The following UMAD1 variants were observed in gnomAD, a reference collection of about 807,000 sequenced individuals.
UMAD1 encodes the protein UBAP1-MVB12-associated (UMA) domain containing 1, also known as UBAP1-MVB12-associated (UMA)-domain containing protein 1.
A neutral mutation model predicts 6.1 loss-of-function variants in UMAD1; 8 were observed. The observed-to-expected ratio is 1.30, with a 90% CI of 0.76 to 2.35. UMAD1 has a LOEUF of 2.35. Among genes scored for constraint, UMAD1 ranks in the 30% most tolerant of loss-of-function variants. UMAD1 has a pLI of 0.00. For missense variants in UMAD1, 130 were observed against 78.4 expected (o/e 1.66, Z -2.49); for synonymous variants, 56 against 31.4 (o/e 1.78, Z -2.61).
chr7:7,665,783 T>G (rs1779434452), intron 1 of UMAD1, among the ~76,000 whole-genome samples: 1 of 152,168 alleles, frequency 6.6e-6, no homozygotes, highest in Admixed American at 6.5e-5. Flanking sequence ...AATGGAATCA[T>G]ATAGTATGAA....
At chr7:7,658,684 T>C (rs1785402845) in intron 1 of UMAD1, among the ~76,000 whole-genome samples, 1 of 152,242 alleles carries the variant, frequency 6.6e-6, no homozygotes. Flanking sequence ...GTGGATAAGC[T>C]ATTTGATGTG....
chr7:7,750,815 A>G (rs1781664377), intron 2 of UMAD1, among the ~76,000 whole-genome samples: 1 of 152,208 alleles, frequency 6.6e-6, no homozygotes, highest in Non-Finnish European at 1.5e-5. Context: ...TCTTAACTGT[A>G]TGTATTTTTC....
In UMAD1 at chr7:7,856,474, C is replaced by T. The variant is rs138014988; in HGVS notation, c.157-20807C>T. On this transcript the variant is annotated intron_variant, in intron 3 of 3. Transcript: ENST00000682710. ...TATCACAAGAACAGCATGGGGAAAA[C>T]CACCCCAATGATTCAATTACCTCCC... 1.6e-3 allele frequency among the ~76,000 whole-genome samples: 251 copies of T among 152,244 alleles called. 6 individuals are homozygous for T. In the East Asian group the frequency reaches 0.033, roughly 20 times the overall value.
chr7:7,685,696 T>G (rs186916094), intron 2 of UMAD1: 2 of 152,322 alleles, frequency 1.3e-5, no homozygotes, highest in East Asian at 1.9e-4. Context: ...CTCTTCGAAG[T>G]TGTACTTTTC....
rs145415540 is a variant in UMAD1 at position 7,815,063 on chromosome 7, T to C, written c.156+13320T>C. Among the ~76,000 whole-genome samples the C allele has an allele frequency of 7.6e-4, 115 of 152,296 alleles. 5 individuals are homozygous for C. The East Asian group carries it at 0.021, about 28-fold the overall frequency. On this transcript the variant is annotated intron_variant, in intron 3 of 3. Transcript: ENST00000682710. ...TTTAGATGGCTTACCAGTTGGATTT[T>C]TGATATCAGTATAGAGGATGTAGGA... is the stretch of plus-strand genomic sequence containing the variant.
intron 2 of UMAD1, among the ~76,000 whole-genome samples, chr7:7,775,515 C>A (rs899306720): frequency 1.1e-4 from 16 of 152,296 alleles, no homozygotes; most frequent in East Asian, 3.9e-4. Flanking sequence ...TTCAAGCCCT[C>A]CCCAGCCATG....
At chr7:7,832,525 C>T (rs945317796) in intron 3 of UMAD1, among the ~76,000 whole-genome samples, 5 of 152,052 alleles carry the variant, frequency 3.3e-5, no homozygotes, top group African/African-American at 1.2e-4. Context: ...AATGAGGAGA[C>T]CCAGAAGATA....
rs1583892262 is a variant in UMAD1 at position 7,879,213 on chromosome 7, A to T, written c.*1675A>T. 6.6e-6 allele frequency: 1 copy of T among 152,200 alleles called. No individual in the cohort carries two copies. The highest frequency in any genetic ancestry group is 1.5e-5 in the Non-Finnish European group (1 of 68,014). 9.4% of individuals were successfully genotyped at this position (152,200 alleles called of 1,614,324 possible). ...AAATAAAATTTTTGATTATTTTCAG[A>T]TCCAGAAAAATGGGTTTGATTGCAT... On this transcript the variant is annotated 3_prime_UTR_variant, in exon 4 of 4. Transcript: ENST00000682710.
At chr7:7,764,877 G>C (rs1781955353) in intron 2 of UMAD1, among the ~76,000 whole-genome samples, 1 of 152,004 alleles carries the variant, frequency 6.6e-6, no homozygotes, top group Non-Finnish European at 1.5e-5. Flanking sequence ...CTGGCCTGCT[G>C]TTTCTTTTGA....
At chr7:7,654,083 T>C (rs1226802915) in intron 1 of UMAD1, among the ~76,000 whole-genome samples, 1 of 152,218 alleles carries the variant, frequency 6.6e-6, no homozygotes. Context: ...AGTCATTTCT[T>C]ATCACTGCTA....
At position 7,877,667 on chromosome 7, in the gene UMAD1, T is replaced by G. The variant is rs1354643964; in HGVS notation, c.*129T>G. On this transcript the variant is annotated 3_prime_UTR_variant, in exon 4 of 4. Transcript: ENST00000682710. ...GGATCATAAAGCAAAGAAAATAGCATTATGTTCACTACTCTATTTTTAAGA... is the reference window on the plus strand; with the variant it reads ...GGATCATAAAGCAAAGAAAATAGCAGTATGTTCACTACTCTATTTTTAAGA... 1 of 609,198 alleles carries G rather than the reference T, an allele frequency of 1.6e-6. No homozygotes were observed. The highest frequency in any genetic ancestry group is 2.9e-6 in the Non-Finnish European group (1 of 339,734). The allele number at this position is 609,198 out of a possible 1,614,324, so 37.7% of individuals were successfully genotyped here. A position where few individuals can be genotyped will look rare whatever the true frequency, so the allele number is the denominator to read the frequency against.
intron 3 of UMAD1, among the ~76,000 whole-genome samples, chr7:7,813,254 C>T (rs1211829701): frequency 6.6e-6 from 1 of 152,064 alleles, no homozygotes; most frequent in East Asian, 1.9e-4. Context: ...CTCGCTCTGT[C>T]GCCCAGGCTG....
intron 2 of UMAD1, among the ~76,000 whole-genome samples, chr7:7,780,529 G>A (rs143936856): frequency 1.3e-5 from 2 of 152,218 alleles, no homozygotes; most frequent in African/African-American, 4.8e-5. Flanking sequence ...ATGCACAAAC[G>A]ATAAGTTTGA....
At chr7:7,671,603 A>G (rs1009695557) in intron 1 of UMAD1, among the ~76,000 whole-genome samples, 2 of 152,138 alleles carry the variant, frequency 1.3e-5, no homozygotes, top group African/African-American at 4.8e-5. Flanking sequence ...ATTGTCTTAC[A>G]TTTCTGCTTG....
At chr7:7,647,867 AGTGCTAGGATTACAGGTGTGAGTCACT>A (rs1207835786) in intron 1 of UMAD1, among the ~76,000 whole-genome samples, 5 of 152,188 alleles carry the variant, frequency 3.3e-5, no homozygotes, top group African/African-American at 1.2e-4. Flanking sequence ...GGCCTCTCAG[AGTGCTAGGATTACAGGTGTGAGTCACT>A]GTGCCTGGCT....
intron 2 of UMAD1, among the ~76,000 whole-genome samples, chr7:7,784,903 C>T (rs1357947994): frequency 6.6e-6 from 1 of 151,796 alleles, no homozygotes; most frequent in African/African-American, 2.4e-5. Context: ...GCTGGGACTA[C>T]AGGCGCCCGC....
intron 3 of UMAD1, among the ~76,000 whole-genome samples, chr7:7,844,819 A>T (rs1262440008): frequency 2.0e-5 from 3 of 152,176 alleles, no homozygotes; most frequent in Non-Finnish European, 4.4e-5. Context: ...CACATAAAAT[A>T]TTAGGGACCC....
chr7:7,771,422 C>T (rs574046516), intron 2 of UMAD1, among the ~76,000 whole-genome samples: 1 of 152,164 alleles, frequency 6.6e-6, no homozygotes, highest in South Asian at 2.1e-4. Flanking sequence ...CTGCGGCAGC[C>T]ACAGGATGTT....
chr7:7,719,565 A>G (rs923983128), intron 2 of UMAD1, among the ~76,000 whole-genome samples: 1 of 152,224 alleles, frequency 6.6e-6, no homozygotes, highest in African/African-American at 2.4e-5. Context: ...GAGTCTCACA[A>G]GGGATTTCAC....
Sources: gnomAD v4.1 joint callset for allele counts (sites outside exome capture counted in the v4.1 genomes callset) on GRCh38, gnomAD v4.1.1 for gene constraint, MANE v1.5 for transcripts, NCBI Gene and HGNC (gene_info 2026-07-23, HGNC 2026-07-21) for gene names.